FANCC: variants seen among roughly 807,000 people sequenced by gnomAD.
FANCC encodes the protein Fanconi anemia group C protein.
A neutral mutation model predicts 71.3 loss-of-function variants in FANCC; 55 were observed. The ratio of observed to expected loss-of-function variants is 0.77; its 90% CI spans 0.62 to 0.97. The LOEUF (loss-of-function observed/expected upper bound fraction) is 0.97. Ranked by LOEUF, FANCC falls within the 50% of genes least tolerant of loss-of-function variation. The pLI, the probability that FANCC is intolerant of heterozygous loss-of-function variation, is 0.00. For missense variants in FANCC, 678 were observed against 670.9 expected, an observed-to-expected ratio of 1.01 and a Z score of -0.12; for synonymous variants, 275 against 244.9, an observed-to-expected ratio of 1.12 and a Z score of -1.15.
chr9:95,123,710 C>T (rs749430370), intron 10 of FANCC: 9 of 687,600 alleles, frequency 1.3e-5, no homozygotes, highest in Non-Finnish European at 2.4e-5. Context: ...TGCCTATGTG[C>T]TTCCCAAGCT....
intron 6 of FANCC, among the ~76,000 whole-genome samples, chr9:95,163,202 A>G (rs978564014): frequency 1.3e-5 from 2 of 152,216 alleles, no homozygotes; most frequent in South Asian, 4.1e-4. Flanking sequence ...TCTTTTCCCA[A>G]TCTTATAGAC....
At chr9:95,315,111 G>C (rs1809921703) in intron 1 of FANCC, among the ~76,000 whole-genome samples, 1 of 152,192 alleles carries the variant, frequency 6.6e-6, no homozygotes, top group African/African-American at 2.4e-5. Context: ...AAGGCATGCA[G>C]GTCTCTTACC....
chr9:95,212,028 T>C (rs1828536376), intron 4 of FANCC, among the ~76,000 whole-genome samples: 1 of 152,012 alleles, frequency 6.6e-6, no homozygotes, highest in African/African-American at 2.4e-5. Flanking sequence ...GAAAAATCTT[T>C]AGAAACTTAA....
At chr9:95,248,999 T>C in intron 2 of FANCC, 128 bp downstream of exon 2, 1 of 888,284 alleles carries the variant, frequency 1.1e-6, no homozygotes, top group South Asian at 1.5e-5. Context: ...GAGTAATTTG[T>C]CTTCCTAATC....
chr9:95,310,301 A>T (rs1357102099), intron 1 of FANCC, among the ~76,000 whole-genome samples: 1 of 151,304 alleles, frequency 6.6e-6, no homozygotes, highest in Non-Finnish European at 1.5e-5. Flanking sequence ...CAGGAGTTTG[A>T]GGCTGCAGTG....
At chr9:95,105,825 G>A (rs1346471036) in intron 14 of FANCC, among the ~76,000 whole-genome samples, 1 of 152,206 alleles carries the variant, frequency 6.6e-6, no homozygotes, top group Non-Finnish European at 1.5e-5. Flanking sequence ...TCTTCAGGCT[G>A]AACAGTACTC....
chr9:95,172,816 A>C (rs1447753849), intron 4 of FANCC, among the ~76,000 whole-genome samples: 1 of 152,224 alleles, frequency 6.6e-6, no homozygotes, highest in African/African-American at 2.4e-5. Context: ...ACATTTTTCA[A>C]GTATCTGAAT....
chr9:95,211,193 G>A (rs1238148800), intron 4 of FANCC, among the ~76,000 whole-genome samples: 1 of 152,194 alleles, frequency 6.6e-6, no homozygotes, highest in Non-Finnish European at 1.5e-5. Context: ...TGATTGGCCT[G>A]GCTTTCTGCC....
intron 7 of FANCC, among the ~76,000 whole-genome samples, chr9:95,142,760 C>A (rs1265883313): frequency 1.3e-5 from 2 of 152,184 alleles, no homozygotes; most frequent in African/African-American, 2.4e-5. Context: ...CTCAGAGCCA[C>A]CCCGAGCTGC....
At chr9:95,153,358 T>G (rs1830286275) in intron 6 of FANCC, among the ~76,000 whole-genome samples, 1 of 152,146 alleles carries the variant, frequency 6.6e-6, no homozygotes, top group African/African-American at 2.4e-5. Flanking sequence ...TTCCTTTGGG[T>G]AGATAGCCAG....
chr9:95,180,654 T>A (rs960879115), intron 4 of FANCC, among the ~76,000 whole-genome samples: 1 of 151,824 alleles, frequency 6.6e-6, no homozygotes, highest in Non-Finnish European at 1.5e-5. Flanking sequence ...TTTTTTTTTT[T>A]AAATAAGTAG....
intron 4 of FANCC, among the ~76,000 whole-genome samples, 193 bp downstream of exon 4, chr9:95,240,454 TCA>T (rs1206486009): frequency 1.3e-5 from 2 of 152,198 alleles, no homozygotes; most frequent in East Asian, 3.9e-4. Context: ...CTTTTGGAAT[TCA>T]CAGTCAAGCA....
At chr9:95,174,354 C>T (rs1825878857) in intron 4 of FANCC, among the ~76,000 whole-genome samples, 1 of 152,132 alleles carries the variant, frequency 6.6e-6, no homozygotes, top group African/African-American at 2.4e-5. Context: ...GCCCTCATGA[C>T]TTAATCACCC....
At chr9:95,110,859 CTG>C (rs2071859902) in intron 13 of FANCC, 2 of 1,185,934 alleles carry the variant, frequency 1.7e-6, no homozygotes, top group Non-Finnish European at 2.1e-6. Context: ...AAAATAACAA[CTG>C]TCTTTGCCAC....
At chr9:95,250,782 T>A (rs1424519808) in intron 1 of FANCC, among the ~76,000 whole-genome samples, 1 of 152,200 alleles carries the variant, frequency 6.6e-6, no homozygotes, top group Non-Finnish European at 1.5e-5. Flanking sequence ...AGCCCTGGAG[T>A]GTTGCACTTG....
intron 4 of FANCC, among the ~76,000 whole-genome samples, chr9:95,178,421 T>G (rs949952217): frequency 5.3e-5 from 8 of 152,152 alleles, no homozygotes; most frequent in Non-Finnish European, 1.2e-4. Flanking sequence ...TTCTGAGAGG[T>G]CTGTACCTGC....
At chr9:95,110,352 A>C (rs2134517168) in intron 13 of FANCC, 1 of 1,020,048 alleles carries the variant, frequency 9.8e-7, no homozygotes. Flanking sequence ...ATAAGACAGA[A>C]TATAAAAGGG....
At chr9:95,178,095 G>A (rs987601476) in intron 4 of FANCC, among the ~76,000 whole-genome samples, 2 of 151,564 alleles carry the variant, frequency 1.3e-5, no homozygotes, top group African/African-American at 2.4e-5. Flanking sequence ...TATTTAATGT[G>A]TGGACCAAGA....
At chr9:95,164,916 T>C (rs551919081) in intron 6 of FANCC, among the ~76,000 whole-genome samples, 2 of 152,186 alleles carry the variant, frequency 1.3e-5, no homozygotes, top group South Asian at 4.1e-4. Context: ...CTGGTCCTGG[T>C]TTTTTTCTTT....
Sources: gnomAD v4.1 joint callset for allele counts (sites outside exome capture counted in the v4.1 genomes callset) on GRCh38, gnomAD v4.1.1 for gene constraint, MANE v1.5 for transcripts, NCBI Gene and HGNC (gene_info 2026-07-23, HGNC 2026-07-21) for gene names.